Variants in ANKS1B observed in about 807,000 individuals in gnomAD.
The protein encoded by ANKS1B is ankyrin repeat and sterile alpha motif domain containing 1B.
A neutral mutation model predicts 148.3 loss-of-function variants in ANKS1B; 36 were observed. The ratio of observed to expected loss-of-function variants is 0.24; its 90% CI spans 0.19 to 0.32. The LOEUF (loss-of-function observed/expected upper bound fraction) is 0.32. Ranked by LOEUF, ANKS1B falls within the 10% of genes least tolerant of loss-of-function variation. The probability of loss-of-function intolerance (pLI) is 1.00; values close to 1 mark genes in which losing one functional copy is unlikely to be tolerated. For synonymous variants in ANKS1B, 542 were observed against 560.8 expected, an observed-to-expected ratio of 0.97 and a Z score of 0.47; for missense variants, 1,157 against 1,542.6, an observed-to-expected ratio of 0.75 and a Z score of 4.19.
chr12:99,634,210 T>C (rs1245831780), intron 9 of ANKS1B, among the ~76,000 whole-genome samples: 1 of 152,162 alleles, frequency 6.6e-6, no homozygotes, highest in African/African-American at 2.4e-5. Context: ...ATGAATGGAT[T>C]AATACATTCA....
intron 11 of ANKS1B, among the ~76,000 whole-genome samples, chr12:99,434,057 C>T (rs1478614184): frequency 1.3e-5 from 2 of 152,202 alleles, no homozygotes; most frequent in African/African-American, 4.8e-5. Context: ...ACTTTCACAG[C>T]TAAATTCCAG....
chr12:99,041,658 A>G (rs2099959054), intron 17 of ANKS1B, among the ~76,000 whole-genome samples: 1 of 152,062 alleles, frequency 6.6e-6, no homozygotes, highest in African/African-American at 2.4e-5. Flanking sequence ...GCTTACAAAC[A>G]ATAATAAGAT....
intron 9 of ANKS1B, among the ~76,000 whole-genome samples, chr12:99,540,304 C>T (rs758770864): frequency 1.3e-5 from 2 of 152,066 alleles, no homozygotes. Flanking sequence ...ATACCATAAG[C>T]CAAGTAGACC....
intron 14 of ANKS1B, among the ~76,000 whole-genome samples, chr12:99,212,211 G>A (rs78310857): frequency 7.2e-5 from 11 of 152,116 alleles, no homozygotes; most frequent in South Asian, 2.1e-4. Flanking sequence ...TAGGGTTATC[G>A]CCTAAAAAAG....
chr12:99,950,124 T>TTC, intron 1 of ANKS1B, among the ~76,000 whole-genome samples: 1 of 145,818 alleles, frequency 6.9e-6, no homozygotes, highest in African/African-American at 2.6e-5. Context: ...TTTTTTTTTT[T>TTC]TTTTTTTTTT....
intron 15 of ANKS1B, among the ~76,000 whole-genome samples, chr12:99,121,196 T>G (rs2062722792): frequency 1.3e-5 from 2 of 151,814 alleles, no homozygotes; most frequent in Non-Finnish European, 2.9e-5. Context: ...CAGGGTAGTG[T>G]GTAGGATGGA....
At chr12:99,829,425 C>G (rs1462091343) in intron 1 of ANKS1B, among the ~76,000 whole-genome samples, 1 of 151,850 alleles carries the variant, frequency 6.6e-6, no homozygotes, top group Non-Finnish European at 1.5e-5. Context: ...CTGAGTAGGG[C>G]GGATCATGAG....
intron 17 of ANKS1B, among the ~76,000 whole-genome samples, chr12:99,043,147 A>G (rs2153499475): frequency 6.6e-6 from 1 of 152,340 alleles, no homozygotes; most frequent in African/African-American, 2.4e-5. Flanking sequence ...TTTTTAAAAA[A>G]GATCATAGTC....
intron 12 of ANKS1B, among the ~76,000 whole-genome samples, chr12:99,394,038 G>C (rs1490815749): frequency 2.6e-5 from 4 of 152,164 alleles, no homozygotes; most frequent in Non-Finnish European, 4.4e-5. Flanking sequence ...AATTCTAAAT[G>C]CATGAACACA....
At chr12:98,939,179 T>C (rs1251707271) in intron 17 of ANKS1B, among the ~76,000 whole-genome samples, 1 of 152,226 alleles carries the variant, frequency 6.6e-6, no homozygotes, top group East Asian at 1.9e-4. Flanking sequence ...AAGATGTTTT[T>C]GAGAAACCTT....
chr12:99,238,524 G>A (rs957533032), intron 14 of ANKS1B, among the ~76,000 whole-genome samples: 2 of 152,166 alleles, frequency 1.3e-5, no homozygotes, highest in Non-Finnish European at 2.9e-5. Flanking sequence ...AGATTTAAAT[G>A]TCCCTGTCTG....
At chr12:99,450,388 C>T (rs777913958) in intron 10 of ANKS1B, among the ~76,000 whole-genome samples, 8 of 152,178 alleles carry the variant, frequency 5.3e-5, no homozygotes, top group South Asian at 2.1e-4. Flanking sequence ...GGGCATCTCA[C>T]GGACTAGTTA....
chr12:99,815,612 C>T (rs1487836275), intron 2 of ANKS1B, among the ~76,000 whole-genome samples: 1 of 147,522 alleles, frequency 6.8e-6, no homozygotes, highest in East Asian at 1.9e-4. Flanking sequence ...CACAATGTTT[C>T]CAGCGTGTTG....
intron 17 of ANKS1B, among the ~76,000 whole-genome samples, chr12:98,850,757 G>T (rs1454375170): frequency 2.7e-5 from 4 of 147,864 alleles, no homozygotes; most frequent in Admixed American, 1.4e-4. Flanking sequence ...GTGAGCCACC[G>T]CACCCGGCCC....
chr12:99,434,815 G>A (rs2095433276), intron 11 of ANKS1B, among the ~76,000 whole-genome samples: 1 of 151,964 alleles, frequency 6.6e-6, no homozygotes, highest in Non-Finnish European at 1.5e-5. Flanking sequence ...TGCTCTAGGG[G>A]AAAAAGCTGA....
chr12:99,435,893 A>G (rs1302280172), intron 11 of ANKS1B, among the ~76,000 whole-genome samples: 7 of 152,048 alleles, frequency 4.6e-5, no homozygotes, highest in Admixed American at 1.3e-4. Flanking sequence ...TTCCCAGGAA[A>G]TTCATATTTG....
At chr12:99,915,489 A>C (rs956636903) in intron 1 of ANKS1B, among the ~76,000 whole-genome samples, 2 of 152,170 alleles carry the variant, frequency 1.3e-5, no homozygotes, top group African/African-American at 4.8e-5. Flanking sequence ...GGAAATCATA[A>C]GTAGGTCCTA....
At chr12:98,757,910 A>C (rs2098293274) in intron 25 of ANKS1B, among the ~76,000 whole-genome samples, 1 of 133,298 alleles carries the variant, frequency 7.5e-6, no homozygotes, top group South Asian at 2.4e-4. Context: ...CCAGTGAAAG[A>C]GAGCTGCATG....
In ANKS1B at chr12:99,846,599, C is replaced by T. The variant is rs574607110; in HGVS notation, c.135-21210G>A. On this transcript the variant is annotated intron_variant, in intron 1 of 26. Transcript: ENST00000683438. ...TATTTGACAACCATGTTTTCAATAG[C>T]GACTTAGGTTTACTAATTTCATTGC... 5.9e-5 allele frequency among the ~76,000 whole-genome samples: 9 copies of T among 152,102 alleles called. No homozygotes were observed. In the East Asian group the frequency reaches 1.2e-3, roughly 20 times the overall value.
Sources: gnomAD v4.1 joint callset for allele counts (sites outside exome capture counted in the v4.1 genomes callset) on GRCh38, gnomAD v4.1.1 for gene constraint, MANE v1.5 for transcripts, NCBI Gene and HGNC (gene_info 2026-07-23, HGNC 2026-07-21) for gene names.